PDZD2: variants seen among roughly 807,000 people sequenced by gnomAD.
PDZD2 encodes PDZ domain-containing protein 2.
In PDZD2, 90 loss-of-function variants were observed where a neutral mutation model predicts 220.7. That is an observed-to-expected ratio of 0.41 (90% CI 0.34 to 0.49). The LOEUF is 0.49. Among genes scored for constraint, PDZD2 ranks in the 20% least tolerant of loss-of-function variants. The pLI is 0.28. For synonymous variants in PDZD2, 1,375 were observed against 1,450.5 expected, an observed-to-expected ratio of 0.95 and a Z score of 1.18; for missense variants, 3,174 against 3,608.5, an observed-to-expected ratio of 0.88 and a Z score of 3.08.
chr5:31,797,555 G>A (rs935408452), intron 1 of PDZD2, among the ~76,000 whole-genome samples: 2 of 151,594 alleles, frequency 1.3e-5, no homozygotes, highest in African/African-American at 2.4e-5. Context: ...GACTGGTCTC[G>A]AACTCCTGAC....
chr5:31,818,648 CT>C (rs1755622487), intron 2 of PDZD2, among the ~76,000 whole-genome samples: 1 of 152,154 alleles, frequency 6.6e-6, no homozygotes, highest in African/African-American at 2.4e-5. Context: ...GCTCGTTCTT[CT>C]CCTGTTTATT....
rs1750652872 is a variant in PDZD2 at position 31,747,174 on chromosome 5, CA to C, written c.-360-51711del. Among the ~76,000 whole-genome samples, 3 of 152,112 alleles carry C rather than the reference CA, an allele frequency of 2.0e-5. No homozygotes were observed. In the South Asian group the frequency reaches 6.2e-4, roughly 31 times the overall value. ...TGGGTGACAGAGCAAGACTCCATCT[CA>C]AAATAAATAATTTTTTTAAAAGTTT... On this transcript the variant is annotated intron_variant, in intron 1 of 24. Coordinates refer to ENST00000438447, the MANE Select transcript of PDZD2 (RefSeq NM_178140.4).
At chr5:31,665,644 T>TCCCCCCCCCCCCC (rs5867091) in intron 1 of PDZD2, among the ~76,000 whole-genome samples, 5 of 119,168 alleles carry the variant, frequency 4.2e-5, no homozygotes, top group Admixed American at 9.0e-5. Context: ...AAGTTCCCCC[T>TCCCCCCCCCCCCC]CCCCCCCCTC....
intron 19 of PDZD2, among the ~76,000 whole-genome samples, chr5:32,085,249 G>GCC (rs1315839721): frequency 6.8e-5 from 10 of 147,912 alleles, no homozygotes; most frequent in African/African-American, 2.6e-4. Context: ...ACCGTGCCCA[G>GCC]CTGCCTTTTT....
At chr5:31,850,640 T>TC (rs1259412574) in intron 2 of PDZD2, among the ~76,000 whole-genome samples, 1 of 149,158 alleles carries the variant, frequency 6.7e-6, no homozygotes, top group East Asian at 2.0e-4. Context: ...AATTCTTTTT[T>TC]TTTTTTTTTT....
intron 14 of PDZD2, among the ~76,000 whole-genome samples, chr5:32,063,558 G>A (rs865977728): frequency 1.3e-5 from 2 of 152,036 alleles, no homozygotes; most frequent in Non-Finnish European, 2.9e-5. Context: ...ATCAACAGAC[G>A]GACTATCCTT....
chr5:31,788,100 G>A (rs913223092), intron 1 of PDZD2, among the ~76,000 whole-genome samples: 1 of 152,206 alleles, frequency 6.6e-6, no homozygotes, highest in African/African-American at 2.4e-5. Context: ...GCCGGGCGCC[G>A]TGGTTCATGC....
intron 1 of PDZD2, among the ~76,000 whole-genome samples, chr5:31,706,842 C>CAAA (rs60622267): frequency 1.4e-4 from 18 of 129,010 alleles, no homozygotes; most frequent in African/African-American, 4.4e-4. Flanking sequence ...GATTCCATCT[C>CAAA]AAAAAAAAAA....
chr5:31,854,647 G>C (rs1050240445), intron 2 of PDZD2, among the ~76,000 whole-genome samples: 1 of 152,186 alleles, frequency 6.6e-6, no homozygotes, highest in Non-Finnish European at 1.5e-5. Context: ...CGAGGGTCTA[G>C]GGTAGGGCGC....
chr5:31,762,873 G>A (rs1338183257), intron 1 of PDZD2, among the ~76,000 whole-genome samples: 2 of 152,118 alleles, frequency 1.3e-5, no homozygotes, highest in Admixed American at 6.5e-5. Flanking sequence ...GTGGAGTGCT[G>A]CCTTCCGCTG....
chr5:31,850,477 C>T (rs901942397), intron 2 of PDZD2, among the ~76,000 whole-genome samples: 22 of 151,536 alleles, frequency 1.5e-4, no homozygotes, highest in African/African-American at 4.4e-4. Context: ...GAATAGAAGG[C>T]GTTTTCTAGC....
intron 7 of PDZD2, among the ~76,000 whole-genome samples, chr5:32,043,811 G>C (rs150354443): frequency 0.019 from 2,841 of 152,054 alleles, 86 homozygotes; most frequent in African/African-American, 0.065. Context: ...ATTTTTAGTA[G>C]AGACGGGGTT....
intron 5 of PDZD2, among the ~76,000 whole-genome samples, chr5:32,005,254 G>T (rs546185340): frequency 6.6e-6 from 1 of 152,240 alleles, no homozygotes; most frequent in Admixed American, 6.5e-5. Context: ...TAGTCACCTT[G>T]TTGCAAAACT....
At chr5:31,904,425 A>C (rs957234842) in intron 2 of PDZD2, among the ~76,000 whole-genome samples, 2 of 152,250 alleles carry the variant, frequency 1.3e-5, no homozygotes, top group Non-Finnish European at 2.9e-5. Flanking sequence ...TAAACATTCC[A>C]ATACATTGCC....
chr5:32,010,571 A>G, intron 6 of PDZD2, 89 bp downstream of exon 6: 2 of 855,210 alleles, frequency 2.3e-6, no homozygotes, highest in Non-Finnish European at 4.0e-6. Context: ...TGCTTGAGAT[A>G]GTATGATAGA....
intron 7 of PDZD2, among the ~76,000 whole-genome samples, chr5:32,040,437 T>C (rs6863452): frequency 0.95 from 138,620 of 145,494 alleles, 66,170 homozygotes; most frequent in African/African-American, 0.97. Context: ...TCTGCCGGAC[T>C]GCCCATCGTC....
intron 2 of PDZD2, chr5:31,840,536 C>T (rs1757241804): frequency 1.6e-6 from 1 of 638,718 alleles, no homozygotes; most frequent in Non-Finnish European, 2.9e-6. Context: ...AGCTCAGGCT[C>T]CTTCCCACTG....
At chr5:31,667,235 C>CAAA (rs3031718) in intron 1 of PDZD2, among the ~76,000 whole-genome samples, 7,456 of 52,088 alleles carry the variant, frequency 0.14, 1,075 homozygotes, top group South Asian at 0.22. Context: ...GACTCCGTCT[C>CAAA]AAAAAAAAAA....
chr5:31,921,671 CAG>C (rs902317850), intron 2 of PDZD2, among the ~76,000 whole-genome samples: 3 of 152,066 alleles, frequency 2.0e-5, no homozygotes, highest in African/African-American at 7.2e-5. Flanking sequence ...ACCTGGGTGA[CAG>C]AGTGAGACCC....
Sources: allele counts gnomAD v4.1 joint callset (sites outside exome capture counted in the v4.1 genomes callset), GRCh38; gene constraint gnomAD v4.1.1; transcripts MANE v1.5; gene names NCBI Gene and HGNC (gene_info 2026-07-23, HGNC 2026-07-21).